Variants in LDHB observed in about 807,000 individuals in gnomAD.
LDHB encodes lactate dehydrogenase B.
Under a neutral mutation model 33.4 loss-of-function variants are expected in LDHB, and 18 were observed. The observed-to-expected ratio is 0.54, with a 90% CI of 0.37 to 0.80. The LOEUF is 0.80. Among genes scored for constraint, LDHB ranks in the 30% least tolerant of loss-of-function variants. The pLI is 0.00. For missense variants in LDHB, 345 were observed against 407.9 expected (o/e 0.85, Z 1.33); for synonymous variants, 121 against 140.6 (o/e 0.86, Z 0.98).
chr12:21,641,157 C>A (rs1266252531), intron 5 of LDHB, among the ~76,000 whole-genome samples: 1 of 152,080 alleles, frequency 6.6e-6, no homozygotes, highest in Non-Finnish European at 1.5e-5. Context: ...AAAACATCTT[C>A]CCACAAATTA....
intron 2 of LDHB, among the ~76,000 whole-genome samples, chr12:21,650,288 T>C (rs979746125): frequency 6.6e-6 from 1 of 152,208 alleles, no homozygotes; most frequent in African/African-American, 2.4e-5. Flanking sequence ...ATGCTACTTC[T>C]ACATTATTAT....
rs1425195285 is a variant in LDHB, at chr12:21,650,150, A to ATATAT, written c.130-3135_130-3134insATATA. On this transcript the variant is annotated intron_variant, in intron 2 of 7. Transcript: ENST00000350669. Reference sequence around the variant, plus strand: ...CACACACACACACACACACACACACACGTCTCTCTCTCCAAGTGTTTAGTA... The same window carrying ATATAT: ...CACACACACACACACACACACACACATATATCGTCTCTCTCTCCAAGTGTTTAGTA... Among the ~76,000 whole-genome samples, 465 of 145,976 alleles carry ATATAT rather than the reference A, an allele frequency of 3.2e-3. 5 individuals carry two copies. The highest frequency in any genetic ancestry group is 0.012 in the African/African-American group (447 of 38,688).
intron 2 of LDHB, among the ~76,000 whole-genome samples, chr12:21,651,744 A>C (rs1938696955): frequency 6.6e-6 from 1 of 152,248 alleles, no homozygotes; most frequent in Non-Finnish European, 1.5e-5. Flanking sequence ...TCTAATCTTT[A>C]CCATGTATTA....
At chr12:21,649,382 A>G (rs931519959) in intron 2 of LDHB, among the ~76,000 whole-genome samples, 1 of 152,220 alleles carries the variant, frequency 6.6e-6, no homozygotes, top group South Asian at 2.1e-4. Context: ...CCCCAAATGG[A>G]GAGGCGTGAT....
At position 21,641,995 on chromosome 12, in the gene LDHB, G is replaced by C; in HGVS notation, c.552C>G (p.Ser184Arg). The change falls in exon 5 of 8, where the codon AGC (serine) becomes AGG (arginine). Residue 184 changes from serine (S) to arginine (R), a missense_variant. Physicochemically the swap from Ser to Arg is moderately radical, Grantham distance 110 (BLOSUM62 -1). Coordinates refer to ENST00000350669, the MANE Select transcript of LDHB (RefSeq NM_002300.8). Reference protein sequence around the residue: ...LMAEKLGIHPSSCHGWILGEH... With the variant: ...LMAEKLGIHPRSCHGWILGEH... ...CCCCCAAAATCCATCCATGGCAGCT[G>C]CTGGGATGAATGCCAAGTTTTTCAG... The C allele has an allele frequency of 1.2e-6, 2 of 1,613,406 alleles. No individual in the cohort carries two copies. The highest frequency in any genetic ancestry group is 2.2e-5 in the South Asian group (2 of 91,002).
chr12:21,635,955 A>G (rs914330474), intron 7 of LDHB, among the ~76,000 whole-genome samples: 1 of 152,164 alleles, frequency 6.6e-6, no homozygotes, highest in African/African-American at 2.4e-5. Context: ...GATAGGCCTG[A>G]ACTCATTCCC....
intron 4 of LDHB, chr12:21,643,434 C>T (rs2136967969): frequency 6.5e-6 from 1 of 154,516 alleles, no homozygotes; most frequent in East Asian, 1.9e-4. Context: ...ATTTTTAAGT[C>T]AGAGCATTTG....
intron 2 of LDHB, among the ~76,000 whole-genome samples, chr12:21,650,105 T>TATACAC (rs1555165527): frequency 2.9e-3 from 89 of 30,998 alleles, no homozygotes; most frequent in African/African-American, 5.9e-3. Context: ...AGAAAAAAAA[T>TATACAC]ACACACACAC....
chr12:21,651,740 C>A (rs756170431), intron 2 of LDHB, among the ~76,000 whole-genome samples: 3 of 152,184 alleles, frequency 2.0e-5, no homozygotes, highest in Non-Finnish European at 4.4e-5. Context: ...GATTTCTAAT[C>A]TTTACCATGT....
At chr12:21,651,040 C>T (rs1938675588) in intron 2 of LDHB, among the ~76,000 whole-genome samples, 1 of 152,208 alleles carries the variant, frequency 6.6e-6, no homozygotes, top group Non-Finnish European at 1.5e-5. Context: ...AACCCTGTGG[C>T]CTAGAGAAGA....
chr12:21,638,142 T>TA (rs1453733862), intron 6 of LDHB, among the ~76,000 whole-genome samples: 2 of 152,024 alleles, frequency 1.3e-5, no homozygotes, highest in Admixed American at 6.6e-5. Context: ...ACCTCTACAA[T>TA]AGAGTTTCTC....
Position 21,635,526 on chromosome 12 carries a change from G to A in LDHB, c.*16C>T. The A allele has an allele frequency of 6.2e-7, 1 of 1,603,664 alleles. No individual in the cohort carries two copies. ...ACATTGTAGTTTTTAAATTTCTACA[G>A]CCTAGAGCTCACTAGTCACAGGTCT... is the stretch of plus-strand genomic sequence containing the variant. On this transcript the variant is annotated 3_prime_UTR_variant, in exon 8 of 8. Transcript: ENST00000350669.
At chr12:21,637,233 C>A (rs778990845) in intron 6 of LDHB, 39 bp from the exon 7 acceptor site, 1 of 1,517,010 alleles carries the variant, frequency 6.6e-7, no homozygotes, top group Non-Finnish European at 9.1e-7. Flanking sequence ...AAATAAGACT[C>A]AATCATTATT....
At chr12:21,638,249 C>T in intron 6 of LDHB, 104 bp downstream of exon 6, 1 of 747,038 alleles carries the variant, frequency 1.3e-6, no homozygotes, top group East Asian at 2.5e-5. Flanking sequence ...TGCATAATTA[C>T]TACATTAAGA....
At chr12:21,652,811 A>C (rs1054542278) in intron 2 of LDHB, among the ~76,000 whole-genome samples, 3 of 152,234 alleles carry the variant, frequency 2.0e-5, no homozygotes, top group Non-Finnish European at 4.4e-5. Context: ...AGTCAATTGA[A>C]ACTAGCTAGA....
chr12:21,653,655 T>TAC (rs1250694230), intron 2 of LDHB, among the ~76,000 whole-genome samples: 2 of 81,502 alleles, frequency 2.5e-5, no homozygotes, highest in African/African-American at 4.3e-5. Context: ...TATATATATA[T>TAC]ACACATATAT....
intron 1 of LDHB, 61 bp from the exon 2 acceptor site, chr12:21,654,738 A>G: frequency 7.1e-7 from 1 of 1,404,294 alleles, no homozygotes; most frequent in Non-Finnish European, 1.0e-6. Flanking sequence ...AATAGAAATC[A>G]TCCTTAAAAT....
chr12:21,646,635 A>G (rs1219591362), intron 3 of LDHB, among the ~76,000 whole-genome samples: 6 of 152,224 alleles, frequency 3.9e-5, no homozygotes, highest in African/African-American at 4.8e-5. Flanking sequence ...AGAAATAAAA[A>G]GTAGAATACA....
Position 21,635,382 on chromosome 12 carries a change from T to C in LDHB, c.*160A>G, listed in dbSNP as rs1028322615. 3.0e-6 allele frequency: 2 copies of C among 674,876 alleles called. No homozygotes were observed. Among genetic ancestry groups the C allele is most frequent in the Non-Finnish European group, 5.3e-6 (2 of 378,268 alleles). The allele number at this position is 674,876 out of a possible 1,614,324, so 41.8% of individuals were successfully genotyped here. ...AATTTTATTTGTTCAAGAGCTCAGA[T>C]TGCAAGCATTAAACCAAGCATAGGC... On this transcript the variant is annotated 3_prime_UTR_variant, in exon 8 of 8. Coordinates refer to ENST00000350669, the MANE Select transcript of LDHB (RefSeq NM_002300.8).
Sources: gnomAD v4.1 joint callset for allele counts (sites outside exome capture counted in the v4.1 genomes callset) on GRCh38, gnomAD v4.1.1 for gene constraint, MANE v1.5 for transcripts, NCBI Gene and HGNC (gene_info 2026-07-23, HGNC 2026-07-21) for gene names.